Variants in CDKL4 observed in about 807,000 individuals in gnomAD.
CDKL4 encodes cyclin-dependent kinase-like 4.
Under a neutral mutation model 42.0 loss-of-function variants are expected in CDKL4, and 44 were observed. The ratio of observed to expected loss-of-function variants is 1.05; its 90% CI spans 0.82 to 1.35. CDKL4 has a LOEUF of 1.35. Among genes scored for constraint, CDKL4 ranks in the 40% most tolerant of loss-of-function variants. The pLI is 0.00. For missense variants in CDKL4, 393 were observed against 369.9 expected, an observed-to-expected ratio of 1.06 and a Z score of -0.51; for synonymous variants, 120 against 121.6, an observed-to-expected ratio of 0.99 and a Z score of 0.09.
At chr2:39,186,166 C>A (rs1008907058) in intron 7 of CDKL4, among the ~76,000 whole-genome samples, 2 of 152,110 alleles carry the variant, frequency 1.3e-5, no homozygotes, top group Non-Finnish European at 2.9e-5. Context: ...TAACCTTTAA[C>A]CTTGCAGTTC....
chr2:39,168,736 T>G, the CDKL4 span, among the ~76,000 whole-genome samples: 1 of 146,428 alleles, frequency 6.8e-6, no homozygotes, highest in Admixed American at 6.8e-5. Flanking sequence ...AGAGCCTGAG[T>G]CCTTGTTTTT....
chr2:39,228,465 A>T (rs1678892919), intron 2 of CDKL4, among the ~76,000 whole-genome samples: 1 of 152,192 alleles, frequency 6.6e-6, no homozygotes, highest in Non-Finnish European at 1.5e-5. Context: ...CCTCCCTTAC[A>T]AACTGAATTT....
chr2:39,233,904 T>A (rs1041968486), intron 1 of CDKL4, among the ~76,000 whole-genome samples: 1 of 136,892 alleles, frequency 7.3e-6, no homozygotes, highest in Non-Finnish European at 1.5e-5. Context: ...ATATAAATTT[T>A]ATTTTTACTT....
At chr2:39,187,331 A>G (rs1032431719) in intron 7 of CDKL4, among the ~76,000 whole-genome samples, 4 of 152,296 alleles carry the variant, frequency 2.6e-5, no homozygotes, top group African/African-American at 7.2e-5. Context: ...TGAAAATAGA[A>G]TAATACACTG....
intron 7 of CDKL4, among the ~76,000 whole-genome samples, chr2:39,185,422 A>G (rs1372347444): frequency 4.8e-5 from 1 of 20,912 alleles, no homozygotes; most frequent in Non-Finnish European, 2.3e-4. Context: ...ATACATATAT[A>G]TATACATATG....
intron 3 of CDKL4, among the ~76,000 whole-genome samples, chr2:39,218,279 T>C (rs773975818): frequency 1.2e-4 from 18 of 151,968 alleles, no homozygotes; most frequent in Non-Finnish European, 2.1e-4. Flanking sequence ...GGCAGGAGGA[T>C]TGCTTGAGCA....
intron 3 of CDKL4, among the ~76,000 whole-genome samples, chr2:39,216,047 T>C (rs1339898152): frequency 6.6e-6 from 1 of 152,164 alleles, no homozygotes; most frequent in Non-Finnish European, 1.5e-5. Flanking sequence ...TTGAGCACTG[T>C]GAGACAGGTT....
At chr2:39,211,063 G>A (rs1677557901) in intron 4 of CDKL4, among the ~76,000 whole-genome samples, 1 of 152,132 alleles carries the variant, frequency 6.6e-6, no homozygotes, top group Admixed American at 6.5e-5. Flanking sequence ...CATTGCCTCA[G>A]CACTGTCTCT....
intron 1 of CDKL4, among the ~76,000 whole-genome samples, chr2:39,240,100 TAAA>T (rs927591663): frequency 6.9e-6 from 1 of 145,152 alleles, no homozygotes; most frequent in African/African-American, 2.6e-5. Flanking sequence ...AAAAAAAAGT[TAAA>T]CACAAATTTA....
At chr2:39,246,673 A>C (rs1197595762), upstream of CDKL4, among the ~76,000 whole-genome samples, 1 of 152,130 alleles carries the variant, frequency 6.6e-6, no homozygotes, top group East Asian at 1.9e-4. Context: ...GCATATGGTA[A>C]ATTTCTCTTC....
rs1016759771 is a variant in CDKL4, at chr2:39,241,200, G to A, written c.-57+2671C>T. The stretch of plus-strand genomic sequence containing the variant: ...CTTGGGAATACACTGAAGTATTTAC[G>A]GGTGAAGGGATCTGATGTCTGCAAC... On this transcript the variant is annotated intron_variant, in intron 1 of 9. Transcript: ENST00000451199. Among the ~76,000 whole-genome samples the A allele has an allele frequency of 1.4e-4, 22 of 152,254 alleles. No homozygotes were observed. The East Asian group carries it at 3.5e-3, about 24-fold the overall frequency.
chr2:39,221,581 C>T (rs2148373433), intron 3 of CDKL4, among the ~76,000 whole-genome samples: 1 of 152,266 alleles, frequency 6.6e-6, no homozygotes, highest in Middle Eastern at 3.4e-3. Context: ...CTAGATTGTT[C>T]CTATTTGCAT....
At chr2:39,178,812 C>T in intron 9 of CDKL4, 2 of 1,546,498 alleles carry the variant, frequency 1.3e-6, no homozygotes, top group Non-Finnish European at 1.7e-6. Context: ...CATCTGGAGG[C>T]TACAGAAAGG....
chr2:39,178,998 A>C, intron 9 of CDKL4, 189 bp downstream of exon 9: 4 of 1,444,902 alleles, frequency 2.8e-6, no homozygotes, highest in Non-Finnish European at 3.6e-6. Flanking sequence ...TTTTTGCAAT[A>C]ATCTTGATAT....
chr2:39,183,236 C>T (rs576491901), intron 8 of CDKL4, among the ~76,000 whole-genome samples: 66 of 150,712 alleles, frequency 4.4e-4, no homozygotes, highest in Non-Finnish European at 8.0e-4. Context: ...GCGGAGAACT[C>T]CAGCCTGGGC....
At chr2:39,244,193 G>A (rs1008570527), upstream of CDKL4, among the ~76,000 whole-genome samples, 1 of 152,234 alleles carries the variant, frequency 6.6e-6, no homozygotes, top group East Asian at 1.9e-4. Context: ...GAGCCCTTCA[G>A]CCCACCGCTG....
chr2:39,187,862 G>A (rs1259441036), intron 6 of CDKL4, among the ~76,000 whole-genome samples, 153 bp from the exon 7 acceptor site: 4 of 152,118 alleles, frequency 2.6e-5, no homozygotes, highest in Non-Finnish European at 4.4e-5. Context: ...GACGTCAAGA[G>A]TTCGAGACCA....
chr2:39,190,292 A>G lies in CDKL4; in HGVS notation c.652+13T>C, dbSNP rs1289480087. 1 of 1,606,204 alleles carries G rather than the reference A, an allele frequency of 6.2e-7. No individual in the cohort carries two copies. The highest frequency in any genetic ancestry group is 8.5e-7 in the Non-Finnish European group (1 of 1,173,056). ...AATTCAGCAACTCTGTTGCCATAAAATGCAATTCATACCTAGTGTTCTGAT... is the reference window on the plus strand; with the variant it reads ...AATTCAGCAACTCTGTTGCCATAAAGTGCAATTCATACCTAGTGTTCTGAT... On this transcript the variant is annotated intron_variant, in intron 6 of 9. Transcript: ENST00000451199.
intron 1 of CDKL4, among the ~76,000 whole-genome samples, chr2:39,235,253 C>T (rs941598842): frequency 1.3e-5 from 2 of 152,216 alleles, no homozygotes; most frequent in East Asian, 3.9e-4. Flanking sequence ...GAAAGGCCTT[C>T]ATCCAATCAA....
Sources: allele counts gnomAD v4.1 joint callset (sites outside exome capture counted in the v4.1 genomes callset), GRCh38; gene constraint gnomAD v4.1.1; transcripts MANE v1.5; gene names NCBI Gene and HGNC (gene_info 2026-07-23, HGNC 2026-07-21).